FRAS1: variants seen among roughly 807,000 people sequenced by gnomAD.
FRAS1 encodes the protein Fraser extracellular matrix complex subunit 1.
A neutral mutation model predicts 435.2 loss-of-function variants in FRAS1; 290 were observed. That is an observed-to-expected ratio of 0.67 (90% CI 0.61 to 0.73). The LOEUF is 0.73. Among genes scored for constraint, FRAS1 ranks in the 30% least tolerant of loss-of-function variants. The pLI is 0.00. For synonymous variants in FRAS1, 1,800 were observed against 1,851.0 expected, an observed-to-expected ratio of 0.97 and a Z score of 0.71; for missense variants, 4,860 against 5,001.5, an observed-to-expected ratio of 0.97 and a Z score of 0.85.
chr4:78,531,018 G>A (rs1263329340), intron 70 of FRAS1, among the ~76,000 whole-genome samples: 1 of 152,132 alleles, frequency 6.6e-6, no homozygotes, highest in African/African-American at 2.4e-5. Context: ...ATTTCCTTGA[G>A]CAGTGGTTTG....
chr4:78,365,796 A>C (rs1266071821), intron 22 of FRAS1, among the ~76,000 whole-genome samples: 1 of 150,938 alleles, frequency 6.6e-6, no homozygotes, highest in Non-Finnish European at 1.5e-5. Flanking sequence ...CCTCATCTCT[A>C]CCAAAAATAC....
At chr4:78,431,543 G>A (rs1309303013) in intron 37 of FRAS1, among the ~76,000 whole-genome samples, 1 of 152,110 alleles carries the variant, frequency 6.6e-6, no homozygotes, top group African/African-American at 2.4e-5. Context: ...CATAGCACTA[G>A]TTATTAGAAC....
chr4:78,151,311 T>G (rs1720651791), intron 2 of FRAS1, among the ~76,000 whole-genome samples: 1 of 152,176 alleles, frequency 6.6e-6, no homozygotes, highest in Non-Finnish European at 1.5e-5. Flanking sequence ...CAAGTTGAGA[T>G]AGGATACTTT....
At chr4:78,494,644 TG>T (rs1313020703) in intron 59 of FRAS1, among the ~76,000 whole-genome samples, 2 of 152,054 alleles carry the variant, frequency 1.3e-5, no homozygotes, top group Non-Finnish European at 2.9e-5. Context: ...TTCCAATAAT[TG>T]GGGATCAAAT....
intron 14 of FRAS1, among the ~76,000 whole-genome samples, chr4:78,289,922 C>T (rs941654839): frequency 6.6e-6 from 1 of 152,178 alleles, no homozygotes; most frequent in African/African-American, 2.4e-5. Context: ...CTCACCAGAA[C>T]AGTGGTTCCA....
intron 47 of FRAS1, among the ~76,000 whole-genome samples, chr4:78,455,420 A>AGC (rs1553962050): frequency 2.0e-5 from 3 of 149,114 alleles, no homozygotes; most frequent in Non-Finnish European, 4.4e-5. Context: ...GGAGTTGAGG[A>AGC]GGGAGGGGGT....
chr4:78,518,904 G>A (rs1721299441), intron 66 of FRAS1, among the ~76,000 whole-genome samples: 1 of 152,138 alleles, frequency 6.6e-6, no homozygotes, highest in Non-Finnish European at 1.5e-5. Flanking sequence ...CCTGATGATG[G>A]TTGACTTGGG....
intron 59 of FRAS1, among the ~76,000 whole-genome samples, chr4:78,489,968 CAAAAAA>C (rs61568957): frequency 8.6e-5 from 8 of 92,610 alleles, no homozygotes; most frequent in Admixed American, 1.6e-4. Context: ...TAGTGGAAAA[CAAAAAA>C]AAAAAAAAAA....
At chr4:78,412,866 AT>A in intron 31 of FRAS1, 102 bp from the exon 32 acceptor site, 2 of 551,772 alleles carry the variant, frequency 3.6e-6, no homozygotes, top group Non-Finnish European at 6.4e-6. Flanking sequence ...GCAGGAGCAT[AT>A]AGAATTCAAA....
chr4:78,061,787 A>T lies in FRAS1; in HGVS notation c.76+3702A>T, dbSNP rs142766330. 5.1e-3 allele frequency among the ~76,000 whole-genome samples: 780 copies of T among 152,322 alleles called. 31 individuals carry two copies. The highest frequency in any genetic ancestry group is 0.048 in the Admixed American group (738 of 15,294). On this transcript the variant is annotated intron_variant, in intron 1 of 73. Transcript: ENST00000512123. ...GGTTATGTCCAGTAGGTGGGTACAG[A>T]CATCAAAACCAAAGCCAAAAAAACC...
intron 29 of FRAS1, among the ~76,000 whole-genome samples, chr4:78,397,686 C>T (rs1732727160): frequency 6.6e-6 from 1 of 152,178 alleles, no homozygotes; most frequent in Non-Finnish European, 1.5e-5. Flanking sequence ...TACTGTAAGC[C>T]TCTGCTTCTC....
chr4:78,433,987 A>G (rs1734313339), intron 38 of FRAS1, among the ~76,000 whole-genome samples: 1 of 152,256 alleles, frequency 6.6e-6, no homozygotes, highest in Non-Finnish European at 1.5e-5. Flanking sequence ...TGCTGAAAGC[A>G]TAGCATACAT....
chr4:78,127,668 A>G (rs1719441451), intron 2 of FRAS1, among the ~76,000 whole-genome samples: 1 of 152,178 alleles, frequency 6.6e-6, no homozygotes, highest in South Asian at 2.1e-4. Context: ...AACAACAACA[A>G]CAACAACAAA....
chr4:78,336,945 T>C (rs1174296232), intron 19 of FRAS1, among the ~76,000 whole-genome samples: 1 of 152,178 alleles, frequency 6.6e-6, no homozygotes, highest in Non-Finnish European at 1.5e-5. Flanking sequence ...TTGCCACCCT[T>C]ATCCTTATTG....
chr4:78,449,692 T>C (rs1718961236), intron 44 of FRAS1, among the ~76,000 whole-genome samples: 1 of 152,170 alleles, frequency 6.6e-6, no homozygotes, highest in Non-Finnish European at 1.5e-5. Context: ...ATGCTGATTT[T>C]CACTACTTTG....
chr4:78,140,634 T>A (rs1720120813), intron 2 of FRAS1, among the ~76,000 whole-genome samples: 1 of 151,524 alleles, frequency 6.6e-6, no homozygotes, highest in Non-Finnish European at 1.5e-5. Context: ...TATACGCATA[T>A]ACATATGTGT....
chr4:78,410,362 G>T (rs1044501822), intron 31 of FRAS1, among the ~76,000 whole-genome samples: 1 of 150,158 alleles, frequency 6.7e-6, no homozygotes, highest in Non-Finnish European at 1.5e-5. Context: ...GAGTTATTTG[G>T]CACTTTCATT....
chr4:78,471,042 A>G (rs1306013044), intron 51 of FRAS1, among the ~76,000 whole-genome samples: 1 of 152,196 alleles, frequency 6.6e-6, no homozygotes, highest in Admixed American at 6.5e-5. Context: ...GAGAATATCG[A>G]GTGTCTACCA....
intron 15 of FRAS1, among the ~76,000 whole-genome samples, chr4:78,312,179 C>CATATATGTATATATATATATATATAT (rs1729051281): frequency 1.6e-5 from 2 of 128,622 alleles, no homozygotes; most frequent in Admixed American, 7.6e-5. Context: ...ATCTGAAGTC[C>CATATATGTATATATATATATATATAT]ATATATATAT....
Sources: allele counts gnomAD v4.1 joint callset (sites outside exome capture counted in the v4.1 genomes callset), GRCh38; gene constraint gnomAD v4.1.1; transcripts MANE v1.5; gene names NCBI Gene and HGNC (gene_info 2026-07-23, HGNC 2026-07-21).